Variants in ME3 observed in about 807,000 individuals in gnomAD.
The protein encoded by ME3 is NADP-dependent malic enzyme, mitochondrial.
A neutral mutation model predicts 68.9 loss-of-function variants in ME3; 48 were observed. The ratio of observed to expected loss-of-function variants is 0.70; its 90% CI spans 0.55 to 0.89. ME3 has a LOEUF of 0.89. Among genes scored for constraint, ME3 ranks in the 40% least tolerant of loss-of-function variants. ME3 has a pLI of 0.00. For synonymous variants in ME3, 320 were observed against 318.8 expected (o/e 1.00, Z -0.04); for missense variants, 675 against 797.4 (o/e 0.85, Z 1.85).
intron 6 of ME3, 146 bp downstream of exon 6, chr11:86,497,817 G>T (rs1952459191): frequency 1.0e-6 from 1 of 953,250 alleles, no homozygotes; most frequent in Non-Finnish European, 1.5e-6. Flanking sequence ...CTCCACAACT[G>T]TGTAGGGGGA....
intron 2 of ME3, among the ~76,000 whole-genome samples, chr11:86,632,409 T>G (rs560778182): frequency 9.8e-5 from 15 of 152,306 alleles, no homozygotes; most frequent in Non-Finnish European, 2.2e-4. Context: ...CGCTTCCCTG[T>G]GCCTGCTTCT....
intron 4 of ME3, among the ~76,000 whole-genome samples, chr11:86,541,737 G>GTTC (rs572667935): frequency 3.7e-4 from 57 of 152,302 alleles, no homozygotes; most frequent in African/African-American, 1.3e-3. Flanking sequence ...AGACTTAAAC[G>GTTC]TTCCTGCCTG....
intron 2 of ME3, among the ~76,000 whole-genome samples, chr11:86,618,299 CAAAA>C (rs55824426): frequency 7.2e-5 from 4 of 55,932 alleles, no homozygotes; most frequent in Non-Finnish European, 9.4e-5. Flanking sequence ...GGCTCTGTCT[CAAAA>C]AAAAAAAAAA....
intron 2 of ME3, among the ~76,000 whole-genome samples, chr11:86,581,817 G>T (rs776945027): frequency 7.2e-5 from 11 of 152,062 alleles, no homozygotes; most frequent in Non-Finnish European, 1.5e-4. Flanking sequence ...ACCTATATAT[G>T]CAGTCAAGTC....
chr11:86,497,915 A>C, intron 6 of ME3, 48 bp downstream of exon 6: 1 of 1,536,314 alleles, frequency 6.5e-7, no homozygotes. Flanking sequence ...ACCCTGTCCC[A>C]GTTGCCACCT....
In ME3 at chr11:86,552,173, A is replaced by G. The variant is rs76565947; in HGVS notation, c.467+4380T>C. ...GGAATCTCATTGAATCCTCCCAAGCAGCCATGTGAATAAGTGTTATTTCCA... is the reference window on the plus strand; with the variant it reads ...GGAATCTCATTGAATCCTCCCAAGCGGCCATGTGAATAAGTGTTATTTCCA... On this transcript the variant is annotated intron_variant, in intron 4 of 14. Transcript: ENST00000543262. Among the ~76,000 whole-genome samples the G allele has an allele frequency of 8.4e-3, 1,281 of 152,322 alleles. 20 individuals are homozygous for G. The highest frequency in any genetic ancestry group is 0.028 in the African/African-American group (1,170 of 41,560).
At chr11:86,641,036 T>C (rs1471678461) in intron 2 of ME3, among the ~76,000 whole-genome samples, 2 of 140,142 alleles carry the variant, frequency 1.4e-5, no homozygotes, top group Non-Finnish European at 1.5e-5. Flanking sequence ...TCAATTTCAC[T>C]GGGGGGGGGG....
chr11:86,574,399 G>GAGTC (rs570327505), intron 2 of ME3, among the ~76,000 whole-genome samples: 4 of 78,450 alleles, frequency 5.1e-5, no homozygotes, highest in Non-Finnish European at 7.1e-5. Context: ...TTTGTTGCCG[G>GAGTC]GGGGGGGGGG....
At chr11:86,591,856 C>A (rs2139669552) in intron 2 of ME3, among the ~76,000 whole-genome samples, 1 of 152,136 alleles carries the variant, frequency 6.6e-6, no homozygotes, top group South Asian at 2.1e-4. Flanking sequence ...TCAATTACCT[C>A]CCACCGAGTC....
intron 2 of ME3, among the ~76,000 whole-genome samples, chr11:86,592,927 G>C (rs1464914491): frequency 6.6e-6 from 1 of 152,118 alleles, no homozygotes; most frequent in Non-Finnish European, 1.5e-5. Context: ...TGGCTCCATG[G>C]GTTACTAAGT....
intron 2 of ME3, among the ~76,000 whole-genome samples, chr11:86,576,349 C>T (rs1051320459): frequency 1.3e-5 from 2 of 152,156 alleles, no homozygotes; most frequent in African/African-American, 4.8e-5. Flanking sequence ...TCCCCTCTGC[C>T]TCAGTGCACT....
intron 4 of ME3, among the ~76,000 whole-genome samples, chr11:86,521,024 A>G (rs976839254): frequency 1.3e-5 from 2 of 152,228 alleles, no homozygotes; most frequent in African/African-American, 2.4e-5. Flanking sequence ...TCAAAGCCCA[A>G]ATCCAACCCT....
intron 7 of ME3, among the ~76,000 whole-genome samples, chr11:86,485,497 C>A (rs961372229): frequency 3.9e-5 from 6 of 152,148 alleles, no homozygotes; most frequent in Non-Finnish European, 8.8e-5. Context: ...GTGGCCATAT[C>A]CCAATAGCAG....
rs577578256 is a variant in ME3, at chr11:86,650,789, G to T, written c.183+20973C>A. 7.9e-5 allele frequency among the ~76,000 whole-genome samples: 12 copies of T among 152,312 alleles called. No homozygotes were observed. The South Asian group carries it at 1.9e-3, about 24-fold the overall frequency. On this transcript the variant is annotated intron_variant, in intron 2 of 14. Transcript: ENST00000543262. ...GCACACCGAGCGTGAGCTGCAGCAG[G>T]GTGATGCATCGCCTCACCCAGGAAG... is the stretch of plus-strand genomic sequence containing the variant.
At chr11:86,667,288 C>T (rs1381870548) in intron 2 of ME3, among the ~76,000 whole-genome samples, 2 of 152,034 alleles carry the variant, frequency 1.3e-5, no homozygotes, top group Admixed American at 6.5e-5. Context: ...AGTGGAATTT[C>T]GTGGCAAAAA....
chr11:86,507,876 G>C (rs549661829), intron 5 of ME3, among the ~76,000 whole-genome samples: 1 of 151,778 alleles, frequency 6.6e-6, no homozygotes, highest in Non-Finnish European at 1.5e-5. Context: ...TCCCAGCTAC[G>C]GGGGAGGCTG....
At position 86,565,036 on chromosome 11, in the gene ME3, T is replaced by A. The variant is rs529076223; in HGVS notation, c.184-5213A>T. ...CCAATTTAAAAAGAGCCAAAGGACT[T>A]GAATGGACATTTCTCTAAAGAAGAT... On this transcript the variant is annotated intron_variant, in intron 2 of 14. Coordinates refer to ENST00000543262, the Ensembl canonical transcript of ME3. Among the ~76,000 whole-genome samples, 4 of 152,244 alleles carry A rather than the reference T, an allele frequency of 2.6e-5. No individual in the cohort carries two copies. In the East Asian group the frequency reaches 5.8e-4, roughly 22 times the overall value.
intron 2 of ME3, among the ~76,000 whole-genome samples, chr11:86,602,274 A>T (rs1482899394): frequency 6.8e-6 from 1 of 147,640 alleles, no homozygotes; most frequent in African/African-American, 2.5e-5. Flanking sequence ...TACAAAATCA[A>T]TGTACAAAAA....
At chr11:86,620,291 G>A (rs7925862) in intron 2 of ME3, among the ~76,000 whole-genome samples, 129,077 of 152,214 alleles carry the variant, frequency 0.85, 54,888 homozygotes, top group Middle Eastern at 0.9. Flanking sequence ...ATTTCGGGTG[G>A]GTGAAGTCCT....
Sources: gnomAD v4.1 joint callset for allele counts (sites outside exome capture counted in the v4.1 genomes callset) on GRCh38, gnomAD v4.1.1 for gene constraint, MANE v1.5 for transcripts, NCBI Gene and HGNC (gene_info 2026-07-23, HGNC 2026-07-21) for gene names.